DSCAML1: variants seen among roughly 807,000 people sequenced by gnomAD.
DSCAML1 encodes cell adhesion molecule DSCAML1.
A neutral mutation model predicts 200.5 loss-of-function variants in DSCAML1; 38 were observed. That is an observed-to-expected ratio of 0.19 (90% CI 0.15 to 0.25). The LOEUF is 0.25. Ranked by LOEUF, DSCAML1 falls within the 10% of genes least tolerant of loss-of-function variation. The pLI, the probability that DSCAML1 is intolerant of heterozygous loss-of-function variation, is 1.00. For synonymous variants in DSCAML1, 1,215 were observed against 1,165.0 expected, an observed-to-expected ratio of 1.04 and a Z score of -0.87; for missense variants, 2,223 against 2,858.8, an observed-to-expected ratio of 0.78 and a Z score of 5.07.
At chr11:117,582,512 GA>G (rs2051058910) in intron 3 of DSCAML1, among the ~76,000 whole-genome samples, 1 of 152,210 alleles carries the variant, frequency 6.6e-6, no homozygotes, top group South Asian at 2.1e-4. Context: ...GACCTAGTTG[GA>G]GGTTTCATAA....
At chr11:117,497,844 G>A (rs1014317683) in intron 11 of DSCAML1, among the ~76,000 whole-genome samples, 11 of 152,206 alleles carry the variant, frequency 7.2e-5, no homozygotes, top group African/African-American at 2.2e-4. Context: ...CCAGGCCAGC[G>A]TAACTCAGCA....
intron 3 of DSCAML1, among the ~76,000 whole-genome samples, chr11:117,640,016 G>C (rs947134483): frequency 1.3e-5 from 2 of 152,164 alleles, no homozygotes; most frequent in African/African-American, 4.8e-5. Flanking sequence ...ACTTGGGTGG[G>C]TGGGCTCGTG....
intron 3 of DSCAML1, among the ~76,000 whole-genome samples, chr11:117,594,258 A>G (rs921239433): frequency 5.3e-5 from 8 of 152,220 alleles, no homozygotes; most frequent in Non-Finnish European, 1.2e-4. Context: ...CAGTGGGGAT[A>G]CTTTGACATT....
At position 117,764,488 on chromosome 11, in the gene DSCAML1, C is replaced by A. The variant is rs563743232; in HGVS notation, c.511+12303G>T. On this transcript the variant is annotated intron_variant, in intron 3 of 32. Coordinates refer to ENST00000651296, the MANE Select transcript of DSCAML1 (RefSeq NM_020693.4). ...CCCTTGGGAATCACTGTCTACATAA[C>A]ACAGCACCCATCACGCACACAGGAA... Among the ~76,000 whole-genome samples the A allele has an allele frequency of 1.1e-4, 16 of 152,324 alleles. No homozygotes were observed. In the East Asian group the frequency reaches 2.3e-3, roughly 22 times the overall value.
intron 19 of DSCAML1, among the ~76,000 whole-genome samples, chr11:117,453,726 ATTTC>A (rs142638370): frequency 1.9e-3 from 260 of 136,220 alleles, no homozygotes; most frequent in Middle Eastern, 3.8e-3. Flanking sequence ...TTAGGTGTGG[ATTTC>A]TTTCTTTCTT....
chr11:117,566,750 C>T (rs1306158423), intron 3 of DSCAML1, among the ~76,000 whole-genome samples: 2 of 147,996 alleles, frequency 1.4e-5, no homozygotes, highest in Non-Finnish European at 3.0e-5. Context: ...CACAACAGTC[C>T]CCAGAGTGTG....
chr11:117,640,689 T>C (rs1296031597), intron 3 of DSCAML1, among the ~76,000 whole-genome samples: 1 of 152,192 alleles, frequency 6.6e-6, no homozygotes, highest in Non-Finnish European at 1.5e-5. Context: ...TTCTTTCACG[T>C]GGTGCTTGCA....
At chr11:117,439,126 A>C (rs1481753841) in intron 23 of DSCAML1, 140 bp downstream of exon 23, 3 of 1,367,012 alleles carry the variant, frequency 2.2e-6, no homozygotes, top group Non-Finnish European at 3.0e-6. Context: ...CTCCCCTTCC[A>C]TGTGCACCTC....
intron 8 of DSCAML1, among the ~76,000 whole-genome samples, chr11:117,510,131 A>G (rs1045830580): frequency 1.3e-5 from 2 of 152,198 alleles, no homozygotes; most frequent in Non-Finnish European, 2.9e-5. Flanking sequence ...TGCACAGAGG[A>G]AGGCGTGCTG....
chr11:117,690,262 C>T (rs2053473260), intron 3 of DSCAML1, among the ~76,000 whole-genome samples: 1 of 152,260 alleles, frequency 6.6e-6, no homozygotes, highest in Non-Finnish European at 1.5e-5. Flanking sequence ...GTGATCCCTG[C>T]CCTCATGGCC....
At chr11:117,673,051 G>A (rs889188971) in intron 3 of DSCAML1, among the ~76,000 whole-genome samples, 4 of 151,992 alleles carry the variant, frequency 2.6e-5, no homozygotes, top group East Asian at 1.9e-4. Context: ...TCATCTCCTC[G>A]GGCAATCGGT....
chr11:117,659,753 C>G (rs1255958837), intron 3 of DSCAML1, among the ~76,000 whole-genome samples: 1 of 151,846 alleles, frequency 6.6e-6, no homozygotes, highest in Non-Finnish European at 1.5e-5. Context: ...GAGTCTCGCT[C>G]TGTCGCCCAG....
intron 8 of DSCAML1, among the ~76,000 whole-genome samples, chr11:117,515,585 T>C (rs959378646): frequency 1.4e-5 from 2 of 143,210 alleles, no homozygotes; most frequent in Admixed American, 7.1e-5. Context: ...CCCAGGTGGA[T>C]GTCAAGGGCC....
At chr11:117,775,319 G>A (rs980387576) in intron 3 of DSCAML1, among the ~76,000 whole-genome samples, 1 of 152,278 alleles carries the variant, frequency 6.6e-6, no homozygotes, top group African/African-American at 2.4e-5. Flanking sequence ...TTCTGGCTGC[G>A]TCCATGGAGC....
At chr11:117,539,828 TCA>T (rs1163413347) in intron 3 of DSCAML1, among the ~76,000 whole-genome samples, 2 of 152,102 alleles carry the variant, frequency 1.3e-5, no homozygotes, top group Non-Finnish European at 2.9e-5. Flanking sequence ...ACACCCAAGT[TCA>T]TAGCAGCGTT....
chr11:117,534,466 T>C (rs1035324271), intron 3 of DSCAML1, among the ~76,000 whole-genome samples: 7 of 152,148 alleles, frequency 4.6e-5, no homozygotes, highest in African/African-American at 1.7e-4. Context: ...TTCTTGGCGC[T>C]CCCTCTGTGT....
At chr11:117,750,287 G>A (rs1000779618) in intron 3 of DSCAML1, among the ~76,000 whole-genome samples, 107 of 152,350 alleles carry the variant, frequency 7.0e-4, no homozygotes, top group African/African-American at 2.5e-3. Flanking sequence ...GCGGGGATAT[G>A]CAGGTAAAGA....
At chr11:117,610,554 G>C (rs145969162) in intron 3 of DSCAML1, among the ~76,000 whole-genome samples, 94 of 152,076 alleles carry the variant, frequency 6.2e-4, no homozygotes, top group African/African-American at 2.3e-3. Flanking sequence ...CAGACGGTGG[G>C]GAGGAAGAGG....
intron 3 of DSCAML1, among the ~76,000 whole-genome samples, chr11:117,622,988 T>G (rs1325215285): frequency 6.6e-6 from 1 of 152,172 alleles, no homozygotes; most frequent in Non-Finnish European, 1.5e-5. Flanking sequence ...AGTGCTGACC[T>G]TACACTAGGC....
Sources: allele counts gnomAD v4.1 joint callset (sites outside exome capture counted in the v4.1 genomes callset), GRCh38; gene constraint gnomAD v4.1.1; transcripts MANE v1.5; gene names NCBI Gene and HGNC (gene_info 2026-07-23, HGNC 2026-07-21).